Variants in DAB1 observed in about 807,000 individuals in gnomAD.
The protein encoded by DAB1 is DAB adaptor protein 1, also known as disabled homolog 1.
In DAB1, 15 loss-of-function variants were observed where a neutral mutation model predicts 64.6. That is an observed-to-expected ratio of 0.23 (90% CI 0.16 to 0.36). The LOEUF (loss-of-function observed/expected upper bound fraction) is 0.36. DAB1 is among the 10% of genes least tolerant of loss of function. DAB1 has a pLI of 1.00. For missense variants in DAB1, 596 were observed against 706.7 expected (o/e 0.84, Z 1.78); for synonymous variants, 235 against 251.9 (o/e 0.93, Z 0.64).
intron 5 of DAB1, among the ~76,000 whole-genome samples, chr1:58,138,535 A>T (rs1654078330): frequency 6.6e-6 from 1 of 152,116 alleles, no homozygotes; most frequent in Admixed American, 6.5e-5. Context: ...GAAAACAATG[A>T]GTTTGAGGTT....
chr1:58,410,182 C>T (rs747741628), intron 3 of DAB1, among the ~76,000 whole-genome samples: 1 of 152,212 alleles, frequency 6.6e-6, no homozygotes, highest in Admixed American at 6.5e-5. Flanking sequence ...GCCCACCCAG[C>T]CCCATGAAGG....
At chr1:57,419,821 T>A (rs1449101275) in intron 1 of DAB1, among the ~76,000 whole-genome samples, 1 of 152,362 alleles carries the variant, frequency 6.6e-6, no homozygotes, top group East Asian at 1.9e-4. Flanking sequence ...ACAGAGCTGG[T>A]AGAGCTGAGA....
chr1:57,947,145 A>G (rs990851117), intron 5 of DAB1, among the ~76,000 whole-genome samples: 3 of 152,144 alleles, frequency 2.0e-5, no homozygotes, highest in Non-Finnish European at 4.4e-5. Flanking sequence ...TGAGGAAACG[A>G]GGGCATAAAA....
chr1:57,619,531 C>A (rs1044441084), intron 7 of DAB1, among the ~76,000 whole-genome samples: 4 of 152,062 alleles, frequency 2.6e-5, no homozygotes, highest in Non-Finnish European at 2.9e-5. Context: ...CTCCAATTAG[C>A]TAGGACCACA....
chr1:57,737,002 A>G (rs561997670), intron 6 of DAB1, among the ~76,000 whole-genome samples: 251 of 152,286 alleles, frequency 1.6e-3, no homozygotes, highest in African/African-American at 5.9e-3. Context: ...AGCCCTGTCC[A>G]CCTTTAAGCC....
At chr1:58,148,465 A>G (rs1200450515) in intron 5 of DAB1, among the ~76,000 whole-genome samples, 1 of 152,200 alleles carries the variant, frequency 6.6e-6, no homozygotes, top group Non-Finnish European at 1.5e-5. Flanking sequence ...TGACTTTGTG[A>G]ACTACTTCTT....
intron 1 of DAB1, among the ~76,000 whole-genome samples, chr1:57,378,534 G>A (rs1281182881): frequency 6.6e-6 from 1 of 152,120 alleles, no homozygotes; most frequent in Non-Finnish European, 1.5e-5. Flanking sequence ...TGGGTATTAG[G>A]TGTCTCTGTG....
chr1:58,118,081 T>G (rs1652457738), intron 5 of DAB1, among the ~76,000 whole-genome samples: 1 of 151,890 alleles, frequency 6.6e-6, no homozygotes, highest in Admixed American at 6.6e-5. Flanking sequence ...TTATTATTTT[T>G]TTAATGTTTT....
At chr1:58,337,252 A>C (rs1261694863) in intron 4 of DAB1, among the ~76,000 whole-genome samples, 2 of 151,488 alleles carry the variant, frequency 1.3e-5, no homozygotes, top group Non-Finnish European at 2.9e-5. Flanking sequence ...ACTGCACTCC[A>C]GCCTGGTTGA....
At chr1:58,517,798 A>T (rs1263081340) in intron 2 of DAB1, among the ~76,000 whole-genome samples, 1 of 152,048 alleles carries the variant, frequency 6.6e-6, no homozygotes, top group Non-Finnish European at 1.5e-5. Context: ...TATTAATGTT[A>T]AATGTCAATC....
chr1:58,489,193 C>A (rs933797069), intron 3 of DAB1, among the ~76,000 whole-genome samples: 20 of 152,154 alleles, frequency 1.3e-4, no homozygotes, highest in Non-Finnish European at 1.5e-4. Context: ...CCTTTCCTAG[C>A]CAAGGAAAGG....
chr1:58,501,594 C>T (rs1011822570), intron 3 of DAB1, among the ~76,000 whole-genome samples: 1 of 152,196 alleles, frequency 6.6e-6, no homozygotes, highest in South Asian at 2.1e-4. Flanking sequence ...TTCCCCAAGA[C>T]AGCCACAAGC....
intron 7 of DAB1, among the ~76,000 whole-genome samples, chr1:57,542,479 C>T (rs1160482283): frequency 1.3e-5 from 2 of 148,936 alleles, no homozygotes; most frequent in Admixed American, 1.4e-4. Flanking sequence ...CTAGATGGAC[C>T]AAGACAGTGA....
At chr1:57,277,077 G>A (rs890814958) in intron 2 of DAB1, among the ~76,000 whole-genome samples, 3 of 152,170 alleles carry the variant, frequency 2.0e-5, no homozygotes, top group Admixed American at 6.5e-5. Context: ...GATTTGACTA[G>A]CATCTCTTGA....
chr1:57,126,892 C>T (rs1479034870), intron 4 of DAB1, among the ~76,000 whole-genome samples: 5 of 152,170 alleles, frequency 3.3e-5, no homozygotes, highest in African/African-American at 7.2e-5. Flanking sequence ...CACTAAAAGA[C>T]GAATTTCACT....
intron 3 of DAB1, among the ~76,000 whole-genome samples, chr1:58,376,902 C>T (rs1437004765): frequency 7.2e-5 from 8 of 110,860 alleles, no homozygotes; most frequent in Non-Finnish European, 1.1e-4. Flanking sequence ...GTTAGCTCTT[C>T]TTGTTGAATT....
rs567531497 is a variant in DAB1, at chr1:58,083,375, C to A, written n.387+67136G>T. On this transcript the variant is annotated intron_variant and non_coding_transcript_variant, in intron 5 of 20. Transcript: ENST00000485760. ...CATTTCAGTCTTTCTACTCACTCTT[C>A]TTCTCCAAGGCACTCTAGTATTATG... is the stretch of plus-strand genomic sequence containing the variant. Among the ~76,000 whole-genome samples the A allele has an allele frequency of 7.2e-5, 11 of 152,344 alleles. No individual in the cohort carries two copies. The South Asian group carries it at 2.3e-3, about 32-fold the overall frequency.
intron 5 of DAB1, among the ~76,000 whole-genome samples, chr1:57,901,087 A>G (rs896200291): frequency 6.6e-5 from 10 of 152,190 alleles, no homozygotes; most frequent in African/African-American, 2.2e-4. Context: ...AATTTTTACC[A>G]AAGAGGAAAA....
chr1:57,965,274 T>C (rs1331873409), intron 5 of DAB1, among the ~76,000 whole-genome samples: 1 of 152,162 alleles, frequency 6.6e-6, no homozygotes, highest in African/African-American at 2.4e-5. Context: ...CATGAACTAA[T>C]AAACTTTTCT....
Sources: allele counts gnomAD v4.1 joint callset (sites outside exome capture counted in the v4.1 genomes callset), GRCh38; gene constraint gnomAD v4.1.1; transcripts MANE v1.5; gene names NCBI Gene and HGNC (gene_info 2026-07-23, HGNC 2026-07-21).